Variants in SCARA5 observed in about 807,000 individuals in gnomAD.
SCARA5 encodes scavenger receptor class A, member 5 (putative).
Under a neutral mutation model 46.3 loss-of-function variants are expected in SCARA5, and 45 were observed. The ratio of observed to expected loss-of-function variants is 0.97; its 90% CI spans 0.76 to 1.24. The LOEUF (loss-of-function observed/expected upper bound fraction) is 1.24, where lower values mean the gene tolerates loss of function less well. Ranked by LOEUF, SCARA5 falls within the 50% of genes most tolerant of loss-of-function variation. The pLI, the probability that SCARA5 is intolerant of heterozygous loss-of-function variation, is 0.00. For missense variants in SCARA5, 680 were observed against 689.0 expected (o/e 0.99, Z 0.15); for synonymous variants, 333 against 306.5 (o/e 1.09, Z -0.90).
chr8:27,938,809 C>T (rs557337226), intron 3 of SCARA5, among the ~76,000 whole-genome samples: 75 of 152,258 alleles, frequency 4.9e-4, no homozygotes, highest in African/African-American at 1.8e-3. Context: ...AGCACCCACC[C>T]ATCGTAAACT....
chr8:27,986,800 T>A (rs1808711892), intron 2 of SCARA5, among the ~76,000 whole-genome samples: 1 of 152,208 alleles, frequency 6.6e-6, no homozygotes, highest in Admixed American at 6.5e-5. Context: ...TTTGCAAGGC[T>A]CCTCAGTAAG....
intron 7 of SCARA5, among the ~76,000 whole-genome samples, chr8:27,884,727 C>T (rs1343485258): frequency 6.6e-6 from 1 of 152,212 alleles, no homozygotes; most frequent in Non-Finnish European, 1.5e-5. Context: ...CTCGTTTAGC[C>T]AAGTAAGTGA....
chr8:27,938,584 T>C (rs1807892632), intron 3 of SCARA5, among the ~76,000 whole-genome samples: 3 of 152,216 alleles, frequency 2.0e-5, no homozygotes, highest in South Asian at 2.1e-4. Context: ...CAGACCCCTT[T>C]CTTTGCATTT....
In SCARA5 at chr8:27,870,715, T is replaced by A. The variant is rs913145426; in HGVS notation, c.*1219A>T. The A allele has an allele frequency of 6.6e-6, 1 of 152,162 alleles. No individual in the cohort carries two copies. The highest frequency in any genetic ancestry group is 2.4e-5 in the African/African-American group (1 of 41,410). The allele number at this position is 152,162 out of a possible 1,614,324, so 9.4% of individuals were successfully genotyped here. A position where few individuals can be genotyped will look rare whatever the true frequency, so the allele number is the denominator to read the frequency against. The stretch of plus-strand genomic sequence containing the variant: ...CTAGGAGGAGGGTGCAGATTGCAGA[T>A]TTATGGAGGCCCAAGGCCCCTTATT... On this transcript the variant is annotated 3_prime_UTR_variant, in exon 9 of 9. Transcript: ENST00000354914.
intron 2 of SCARA5, among the ~76,000 whole-genome samples, chr8:27,968,666 T>A (rs1808404787): frequency 6.6e-6 from 1 of 152,226 alleles, no homozygotes; most frequent in African/African-American, 2.4e-5. Flanking sequence ...TGGTGGTAGT[T>A]TCAGCTCTCC....
chr8:27,909,531 G>C, intron 5 of SCARA5, 132 bp downstream of exon 5: 1 of 625,556 alleles, frequency 1.6e-6, no homozygotes, highest in Non-Finnish European at 2.8e-6. Flanking sequence ...TCTCTTGTTG[G>C]AACAGAGCGT....
chr8:27,900,069 C>G (rs796867335), intron 7 of SCARA5, among the ~76,000 whole-genome samples: 1 of 151,642 alleles, frequency 6.6e-6, no homozygotes, highest in African/African-American at 2.4e-5. Flanking sequence ...ACCCAGGAGG[C>G]GGAGGTTGCA....
chr8:27,878,895 T>C (rs1410928232), intron 8 of SCARA5, among the ~76,000 whole-genome samples: 1 of 152,142 alleles, frequency 6.6e-6, no homozygotes, highest in Non-Finnish European at 1.5e-5. Flanking sequence ...TCGAGACCAG[T>C]CTGGGCAACA....
Position 27,922,188 on chromosome 8 carries a change from C to T in SCARA5, c.299G>A (p.Arg100Gln), listed in dbSNP as rs373165801. Reference sequence around the variant, plus strand: ...CAAGTCCCGGAAGCTCTCATTCAGCCGGTTCACATTGCGAGTCAGGGCCTT... The same window carrying T: ...CAAGTCCCGGAAGCTCTCATTCAGCTGGTTCACATTGCGAGTCAGGGCCTT... ...DLKALTRNVN[R>Q]LNESFRDLQL... The change falls in exon 4 of 9, where the codon CGG becomes CAG. Residue 100 changes from arginine (R) to glutamine (Q), a missense_variant. Arg to Gln is a conservative substitution (Grantham distance 43, BLOSUM62 1). Around this residue, in one of 3 missense-constraint regions of SCARA5, gnomAD observed 438 missense variants for 384.5 expected, o/e 1.14. Coordinates refer to ENST00000354914, the MANE Select transcript of SCARA5 (RefSeq NM_173833.6). 3 of 1,602,684 alleles carry T rather than the reference C, an allele frequency of 1.9e-6. No homozygotes were observed. The highest frequency in any genetic ancestry group is 1.3e-5 in the African/African-American group (1 of 74,238).
chr8:27,944,072 A>T (rs1354662134), intron 3 of SCARA5, among the ~76,000 whole-genome samples: 3 of 152,238 alleles, frequency 2.0e-5, no homozygotes, highest in Non-Finnish European at 4.4e-5. Context: ...AACAAACCCA[A>T]GTTAAAGGAC....
rs949112526 is a variant in SCARA5 at position 27,871,536 on chromosome 8, T to G, written c.*398A>C. On this transcript the variant is annotated 3_prime_UTR_variant, in exon 9 of 9. Transcript: ENST00000354914. The stretch of plus-strand genomic sequence containing the variant: ...GTTTGGGAATTGTCTGAAGAGTAAA[T>G]GATCTATACTACCAACCATCGCTGC... 2 of 1,018,322 alleles carry G rather than the reference T, an allele frequency of 2.0e-6. No individual in the cohort carries two copies. The highest frequency in any genetic ancestry group is 2.4e-6 in the Non-Finnish European group (2 of 850,084). 63.1% of individuals were successfully genotyped at this position (1,018,322 alleles called of 1,614,324 possible). A position where few individuals can be genotyped will look rare whatever the true frequency, so the allele number is the denominator to read the frequency against.
Position 27,871,783 on chromosome 8 carries a change from C to G in SCARA5, c.*151G>C. 1 of 1,481,974 alleles carries G rather than the reference C, an allele frequency of 6.7e-7. No individual in the cohort carries two copies. Among genetic ancestry groups the G allele is most frequent in the Non-Finnish European group, 8.9e-7 (1 of 1,118,690 alleles). The allele number at this position is 1,481,974 out of a possible 1,614,324, so 91.8% of individuals were successfully genotyped here. A position where few individuals can be genotyped will look rare whatever the true frequency, so the allele number is the denominator to read the frequency against. Reference sequence around the variant, plus strand: ...TGTTCAAGAGGGAAATGACGACCGGCCCCCACGGTCCTGGGATGCAGGTGT... The same window carrying G: ...TGTTCAAGAGGGAAATGACGACCGGGCCCCACGGTCCTGGGATGCAGGTGT... On this transcript the variant is annotated 3_prime_UTR_variant, in exon 9 of 9. Transcript: ENST00000354914.
chr8:27,920,214 T>C (rs1807560933), intron 4 of SCARA5, among the ~76,000 whole-genome samples: 1 of 152,166 alleles, frequency 6.6e-6, no homozygotes, highest in African/African-American at 2.4e-5. Context: ...TGGCATTCCA[T>C]AGTCCCAGCA....
At chr8:27,939,160 T>G (rs2129865338) in intron 3 of SCARA5, among the ~76,000 whole-genome samples, 1 of 152,328 alleles carries the variant, frequency 6.6e-6, no homozygotes, top group East Asian at 1.9e-4. Flanking sequence ...GTTTTGGATC[T>G]GCAGGCAAGA....
At chr8:27,876,361 G>A (rs879865720) in intron 8 of SCARA5, among the ~76,000 whole-genome samples, 1 of 152,156 alleles carries the variant, frequency 6.6e-6, no homozygotes, top group Non-Finnish European at 1.5e-5. Flanking sequence ...AATCTCCTAA[G>A]GGGAGGACAG....
chr8:27,916,469 ATG>A (rs1235238120), intron 4 of SCARA5, among the ~76,000 whole-genome samples: 1 of 151,984 alleles, frequency 6.6e-6, no homozygotes, highest in Non-Finnish European at 1.5e-5. Flanking sequence ...GTATGCGTAT[ATG>A]TGTGTGTGTG....
rs578070661 is a variant in SCARA5 at position 27,902,486 on chromosome 8, C to T, written c.1153+2292G>A. On this transcript the variant is annotated intron_variant, in intron 7 of 8. Coordinates refer to ENST00000354914, the MANE Select transcript of SCARA5 (RefSeq NM_173833.6). Reference sequence around the variant, plus strand: ...CACGCATCCTCCACAGCATGGGGAACGCCCTGCTGGCTCGACCTCCTCACT... The same window carrying T: ...CACGCATCCTCCACAGCATGGGGAATGCCCTGCTGGCTCGACCTCCTCACT... 5.3e-5 allele frequency among the ~76,000 whole-genome samples: 8 copies of T among 152,328 alleles called. No homozygotes were observed. The South Asian group carries it at 8.3e-4, about 16-fold the overall frequency.
chr8:27,917,427 C>T (rs1339401132), intron 4 of SCARA5, among the ~76,000 whole-genome samples: 1 of 152,126 alleles, frequency 6.6e-6, no homozygotes, highest in Admixed American at 6.5e-5. Context: ...GGTACATTAG[C>T]AGGAGGCATG....
intron 3 of SCARA5, among the ~76,000 whole-genome samples, chr8:27,964,370 G>C (rs1808336823): frequency 6.6e-6 from 1 of 152,112 alleles, no homozygotes. Flanking sequence ...AGGCAATGTG[G>C]TACCCAGAAA....
Sources: allele counts gnomAD v4.1 joint callset (sites outside exome capture counted in the v4.1 genomes callset), GRCh38; gene constraint gnomAD v4.1.1; regional missense constraint gnomAD v4.1.1; transcripts MANE v1.5; gene names NCBI Gene and HGNC (gene_info 2026-07-23, HGNC 2026-07-21).